DLG2: variants seen among roughly 807,000 people sequenced by gnomAD.
DLG2 encodes the protein disks large homolog 2.
In DLG2, 45 loss-of-function variants were observed where a neutral mutation model predicts 132.5. The ratio of observed to expected loss-of-function variants is 0.34; its 90% confidence interval spans 0.27 to 0.44. The LOEUF (loss-of-function observed/expected upper bound fraction) is 0.44. Among genes scored for constraint, DLG2 ranks in the 20% least tolerant of loss-of-function variants. DLG2 has a pLI of 1.00. For synonymous variants in DLG2, 424 were observed against 419.6 expected (o/e 1.01, Z -0.13); for missense variants, 1,045 against 1,196.9 (o/e 0.87, Z 1.87).
chr11:85,203,301 A>G (rs1005578532), intron 4 of DLG2, among the ~76,000 whole-genome samples: 1 of 151,734 alleles, frequency 6.6e-6, no homozygotes, highest in African/African-American at 2.4e-5. Flanking sequence ...TAAGACAAAA[A>G]AAGAGAAGAG....
At chr11:83,471,762 A>G (rs1565358842) in intron 23 of DLG2, 35 bp from the exon 24 acceptor site, 5 of 1,570,688 alleles carry the variant, frequency 3.2e-6, no homozygotes, top group Non-Finnish European at 4.4e-6. Context: ...AGGTAAAGAG[A>G]AAGAGTTGGA....
intron 3 of DLG2, among the ~76,000 whole-genome samples, chr11:85,485,714 C>G (rs1004749746): frequency 6.6e-6 from 1 of 152,186 alleles, no homozygotes; most frequent in African/African-American, 2.4e-5. Context: ...TATGAGAGAA[C>G]CTCTTGGCCC....
intron 18 of DLG2, among the ~76,000 whole-genome samples, chr11:83,685,653 C>T (rs1046781084): frequency 2.6e-5 from 4 of 152,054 alleles, no homozygotes; most frequent in Non-Finnish European, 5.9e-5. Flanking sequence ...CATCCGGTAT[C>T]AAGACTAAAA....
intron 21 of DLG2, among the ~76,000 whole-genome samples, chr11:83,504,052 G>A (rs1214414851): frequency 6.6e-6 from 1 of 152,140 alleles, no homozygotes; most frequent in African/African-American, 2.4e-5. Context: ...TAAATCTTAT[G>A]TCACATGATA....
chr11:83,651,776 A>T, intron 18 of DLG2: 2 of 468,660 alleles, frequency 4.3e-6, no homozygotes, highest in East Asian at 1.4e-4. Context: ...ATAGGGAGAC[A>T]TGTAAATCCT....
At chr11:85,040,354 A>T (rs769158908) in intron 6 of DLG2, among the ~76,000 whole-genome samples, 9 of 151,970 alleles carry the variant, frequency 5.9e-5, no homozygotes, top group Non-Finnish European at 1.3e-4. Context: ...TGTACCGTGT[A>T]ATGTTATGTT....
chr11:84,792,693 A>C (rs528993413), intron 6 of DLG2, among the ~76,000 whole-genome samples: 1 of 152,020 alleles, frequency 6.6e-6, no homozygotes, highest in African/African-American at 2.4e-5. Flanking sequence ...CTCTAGATTT[A>C]CCAGTTTATT....
At chr11:84,256,669 G>A (rs552827548) in intron 7 of DLG2, among the ~76,000 whole-genome samples, 1 of 152,284 alleles carries the variant, frequency 6.6e-6, no homozygotes, top group East Asian at 1.9e-4. Flanking sequence ...AGCCTTACAG[G>A]ACAGGATTAC....
chr11:84,701,270 A>G lies in DLG2; in HGVS notation c.358-166539T>C, dbSNP rs145576558. 5.3e-5 allele frequency among the ~76,000 whole-genome samples: 8 copies of G among 151,718 alleles called. No individual in the cohort carries two copies. The East Asian group carries it at 1.6e-3, about 30-fold the overall frequency. ...TTTCTTCTGTTTCATGTCTACCTGA[A>G]TTTGAATCTCAGCCCTTCTATGCAT... On this transcript the variant is annotated intron_variant, in intron 6 of 27. Transcript: ENST00000376104.
At chr11:84,994,742 A>G (rs2057467396) in intron 6 of DLG2, among the ~76,000 whole-genome samples, 1 of 152,106 alleles carries the variant, frequency 6.6e-6, no homozygotes, top group Admixed American at 6.6e-5. Flanking sequence ...GAGCATTTTC[A>G]TCTCCCCAAA....
At chr11:83,808,356 A>G (rs2046446015) in intron 17 of DLG2, among the ~76,000 whole-genome samples, 1 of 152,100 alleles carries the variant, frequency 6.6e-6, no homozygotes, top group Non-Finnish European at 1.5e-5. Context: ...GCTTCAGCCT[A>G]TATTGGGGCC....
intron 4 of DLG2, among the ~76,000 whole-genome samples, chr11:85,262,066 A>T (rs1379360126): frequency 6.6e-6 from 1 of 152,186 alleles, no homozygotes; most frequent in Non-Finnish European, 1.5e-5. Flanking sequence ...AGAGATCGCA[A>T]TCCTGAGAGA....
intron 3 of DLG2, among the ~76,000 whole-genome samples, chr11:85,290,939 A>G (rs554041296): frequency 6.6e-6 from 1 of 152,240 alleles, no homozygotes; most frequent in African/African-American, 2.4e-5. Flanking sequence ...AAAACTCAAC[A>G]TATACTCAAA....
intron 7 of DLG2, among the ~76,000 whole-genome samples, chr11:84,454,282 A>T (rs17147363): frequency 0.033 from 4,935 of 151,648 alleles, 208 homozygotes; most frequent in African/African-American, 0.098. Context: ...CATGGAAGGA[A>T]TGACTGTCCT....
chr11:83,609,379 G>A (rs1190178283), intron 19 of DLG2, among the ~76,000 whole-genome samples: 2 of 152,178 alleles, frequency 1.3e-5, no homozygotes. Flanking sequence ...TAGTGCTAAT[G>A]AGAAATCTGG....
At chr11:84,078,379 C>T (rs1848470435) in intron 10 of DLG2, among the ~76,000 whole-genome samples, 1 of 152,004 alleles carries the variant, frequency 6.6e-6, no homozygotes, top group Non-Finnish European at 1.5e-5. Flanking sequence ...TTATTAAAAG[C>T]AAAGAATTGG....
chr11:85,416,711 A>G (rs2152988749), intron 3 of DLG2, among the ~76,000 whole-genome samples: 1 of 152,242 alleles, frequency 6.6e-6, no homozygotes, highest in Admixed American at 6.5e-5. Context: ...GCAATTGTGA[A>G]TGGGAGTTCA....
rs1174688406 is a variant in DLG2, at chr11:84,214,193, T to TCATATATATATACATATATATATGAATA, written c.573+37017_573+37044dup. On this transcript the variant is annotated intron_variant, in intron 8 of 27. Coordinates refer to ENST00000376104, the MANE Select transcript of DLG2 (RefSeq NM_001142699.3). ...CAATTCAGAGCCAAAACTAGGGTCT[T>TCATATATATATACATATATATATGAATA]CATATATATATACATATATATATGA... 2.8e-3 allele frequency among the ~76,000 whole-genome samples: 371 copies of TCATATATATATACATATATATATGAATA among 131,194 alleles called. 4 individuals carry two copies. Among genetic ancestry groups the TCATATATATATACATATATATATGAATA allele is most frequent in the South Asian group, 0.017 (82 of 4,746 alleles). The allele number at this position is 131,194 out of a possible 152,430, so 86.1% of individuals were successfully genotyped here.
intron 20 of DLG2, 69 bp downstream of exon 20, chr11:83,541,610 CCTT>C (rs2096069192): frequency 1.5e-6 from 2 of 1,304,802 alleles, no homozygotes; most frequent in Non-Finnish European, 2.0e-6. Flanking sequence ...GTTTCTCCCA[CCTT>C]CTTCTTCCCT....
Sources: gnomAD v4.1 joint callset for allele counts (sites outside exome capture counted in the v4.1 genomes callset) on GRCh38, gnomAD v4.1.1 for gene constraint, MANE v1.5 for transcripts, NCBI Gene and HGNC (gene_info 2026-07-23, HGNC 2026-07-21) for gene names.